Variants in FUT8 observed in about 807,000 individuals in gnomAD.
The protein encoded by FUT8 is fucosyltransferase 8.
In FUT8, 29 loss-of-function variants were observed where a neutral mutation model predicts 71.3. The ratio of observed to expected loss-of-function variants is 0.41; its 90% confidence interval spans 0.30 to 0.55. FUT8 has a LOEUF of 0.55. FUT8 is among the 20% of genes least tolerant of loss of function. The pLI is 0.34. For missense variants in FUT8, 544 were observed against 702.1 expected, an observed-to-expected ratio of 0.77 and a Z score of 2.55; for synonymous variants, 254 against 239.3, an observed-to-expected ratio of 1.06 and a Z score of -0.57.
At chr14:65,377,875 C>T in the FUT8 span, among the ~76,000 whole-genome samples, 28 of 151,756 alleles carry the variant, frequency 1.8e-4, no homozygotes, top group African/African-American at 5.1e-4. Context: ...TGATATAATA[C>T]GGTTATAAAG....
At chr14:65,702,071 C>T (rs1266036548) in intron 7 of FUT8, among the ~76,000 whole-genome samples, 3 of 152,182 alleles carry the variant, frequency 2.0e-5, no homozygotes, top group African/African-American at 4.8e-5. Context: ...AGAGGCCGGG[C>T]GTGGTGGCTC....
At chr14:65,618,013 A>T (rs1889377966) in intron 5 of FUT8, among the ~76,000 whole-genome samples, 1 of 21,908 alleles carries the variant, frequency 4.6e-5, no homozygotes, top group Non-Finnish European at 7.1e-5. Context: ...ATTAATTCAT[A>T]TATATATATA....
At chr14:65,671,806 G>A (rs575347964) in intron 7 of FUT8, among the ~76,000 whole-genome samples, 80 of 152,210 alleles carry the variant, frequency 5.3e-4, no homozygotes, top group African/African-American at 1.8e-3. Flanking sequence ...GTGCCCTTTA[G>A]AGAAACTATT....
At chr14:65,558,052 T>C (rs533261660) in intron 2 of FUT8, among the ~76,000 whole-genome samples, 24 of 152,054 alleles carry the variant, frequency 1.6e-4, no homozygotes, top group Non-Finnish European at 3.1e-4. Context: ...CTCTCTTGGC[T>C]GGGTGTGGTG....
chr14:65,466,212 T>C (rs1408415501), intron 2 of FUT8, among the ~76,000 whole-genome samples: 2 of 152,246 alleles, frequency 1.3e-5, no homozygotes, highest in Non-Finnish European at 2.9e-5. Context: ...AGTAGGGTCT[T>C]GTCGTTTGAT....
intron 7 of FUT8, among the ~76,000 whole-genome samples, chr14:65,704,915 A>G (rs532359109): frequency 6.6e-6 from 1 of 152,298 alleles, no homozygotes; most frequent in East Asian, 1.9e-4. Flanking sequence ...TCAGAATATC[A>G]TTGAGATCAG....
intron 2 of FUT8, among the ~76,000 whole-genome samples, chr14:65,555,946 G>A (rs1469712070): frequency 6.6e-6 from 1 of 151,988 alleles, no homozygotes; most frequent in East Asian, 1.9e-4. Flanking sequence ...TTTGTTTTAT[G>A]GTATGTATAA....
the FUT8 span, among the ~76,000 whole-genome samples, chr14:65,403,905 C>G: frequency 6.6e-6 from 1 of 150,730 alleles, no homozygotes; most frequent in East Asian, 1.9e-4. Flanking sequence ...TTTTTCTTTT[C>G]TTTTTTTTTG....
Position 65,660,282 on chromosome 14 carries a change from AC to A in FUT8, c.598-8960del, listed in dbSNP as rs1446862242. ...AAAGCCTCAGTGGAAGAAATGCCCC[AC>A]ATTTGCTTGTTGCTTTCTATTGGAT... On this transcript the variant is annotated intron_variant, in intron 6 of 10. Transcript: ENST00000673929. The surrounding 1 kb of genome is among the most constrained non-coding windows in gnomAD (Gnocchi z 4.1). 6.6e-6 allele frequency among the ~76,000 whole-genome samples: 1 copy of A among 152,134 alleles called. No individual in the cohort carries two copies. Among genetic ancestry groups the A allele is most frequent in the Non-Finnish European group, 1.5e-5 (1 of 67,998 alleles).
chr14:65,703,077 G>A (rs984789831), intron 7 of FUT8, among the ~76,000 whole-genome samples: 2 of 152,284 alleles, frequency 1.3e-5, no homozygotes, highest in East Asian at 3.9e-4. Flanking sequence ...CCTTCTAGGC[G>A]AGGAAGTGGC....
chr14:65,717,585 T>C (rs1298697185), intron 7 of FUT8, among the ~76,000 whole-genome samples: 4 of 128,142 alleles, frequency 3.1e-5, no homozygotes, highest in African/African-American at 1.2e-4. Flanking sequence ...GAGACGCTCC[T>C]CACCTCCCAG....
At chr14:65,443,605 A>T (rs1001399872) in intron 1 of FUT8, among the ~76,000 whole-genome samples, 1 of 151,866 alleles carries the variant, frequency 6.6e-6, no homozygotes, top group African/African-American at 2.4e-5. Flanking sequence ...TTGTGGTCCC[A>T]GCTACTTGGG....
intron 7 of FUT8, among the ~76,000 whole-genome samples, chr14:65,697,041 G>A (rs186655545): frequency 1.2e-3 from 178 of 152,092 alleles, no homozygotes; most frequent in Non-Finnish European, 2.1e-3. Context: ...CTGTAATATC[G>A]GAGTCTGGTT....
intron 3 of FUT8, among the ~76,000 whole-genome samples, chr14:65,573,574 C>T (rs897199596): frequency 2.0e-5 from 3 of 151,604 alleles, no homozygotes; most frequent in African/African-American, 7.3e-5. Flanking sequence ...AAAGGGGGTC[C>T]ACGTTGGATG....
At chr14:65,545,548 T>G (rs1211766642) in intron 2 of FUT8, among the ~76,000 whole-genome samples, 1 of 151,930 alleles carries the variant, frequency 6.6e-6, no homozygotes, top group Non-Finnish European at 1.5e-5. Context: ...GCTAAATAAA[T>G]GACTTCACTT....
At chr14:65,357,569 T>C in the FUT8 span, among the ~76,000 whole-genome samples, 19 of 152,242 alleles carry the variant, frequency 1.2e-4, no homozygotes, top group African/African-American at 4.3e-4. Context: ...ATCTCCATCA[T>C]AGGCTTGCCT....
At chr14:65,464,245 G>T (rs1469386792) in intron 2 of FUT8, among the ~76,000 whole-genome samples, 1 of 140,792 alleles carries the variant, frequency 7.1e-6, no homozygotes. Flanking sequence ...GGAGTTTGTT[G>T]GTCAGTACTT....
At chr14:65,730,706 C>G (rs978054215) in intron 9 of FUT8, among the ~76,000 whole-genome samples, 1 of 152,108 alleles carries the variant, frequency 6.6e-6, no homozygotes, top group Non-Finnish European at 1.5e-5. Flanking sequence ...CAAGATTTTA[C>G]CACCAGCATC....
intron 2 of FUT8, among the ~76,000 whole-genome samples, chr14:65,477,043 C>CT (rs772235722): frequency 2.0e-5 from 3 of 152,026 alleles, no homozygotes; most frequent in Non-Finnish European, 2.9e-5. Context: ...TAAATATAAG[C>CT]TTTTTTGGCA....
Sources: allele counts gnomAD v4.1 joint callset (sites outside exome capture counted in the v4.1 genomes callset), GRCh38; gene constraint gnomAD v4.1.1; non-coding constraint Gnocchi (gnomAD v3.1); transcripts MANE v1.5; gene names NCBI Gene and HGNC (gene_info 2026-07-23, HGNC 2026-07-21).